Variants in RTN4RL1 observed in about 807,000 individuals in gnomAD.
RTN4RL1 encodes reticulon 4 receptor like 1.
Under a neutral mutation model 25.6 loss-of-function variants are expected in RTN4RL1, and 7 were observed. That is an observed-to-expected ratio of 0.27 (90% CI 0.16 to 0.51). The LOEUF is 0.51. RTN4RL1 is among the 20% of genes least tolerant of loss of function. RTN4RL1 has a pLI of 0.97. For synonymous variants in RTN4RL1, 297 were observed against 288.2 expected (o/e 1.03, Z -0.31); for missense variants, 500 against 615.6 (o/e 0.81, Z 1.99).
intron 1 of RTN4RL1, among the ~76,000 whole-genome samples, chr17:1,995,330 G>A (rs1406691878): frequency 6.6e-6 from 1 of 151,884 alleles, no homozygotes; most frequent in Non-Finnish European, 1.5e-5. Flanking sequence ...GGAAGCTGAG[G>A]CAGGAAAATC....
chr17:2,023,683 T>TCCCCCCCCCCCACCCC (rs1304412288), intron 1 of RTN4RL1: 1 of 31,580 alleles, frequency 3.2e-5, no homozygotes, highest in Non-Finnish European at 6.9e-5. Context: ...CTCCCCAACC[T>TCCCCCCCCCCCACCCC]CCCCCCCCTC....
At chr17:1,947,556 G>A (rs9892095) in intron 1 of RTN4RL1, among the ~76,000 whole-genome samples, 8,586 of 152,246 alleles carry the variant, frequency 0.056, 656 homozygotes, top group African/African-American at 0.18. Context: ...CGCCAGGATC[G>A]CTCTCAGCTG....
At chr17:1,989,004 G>T (rs1420399946) in intron 1 of RTN4RL1, among the ~76,000 whole-genome samples, 1 of 152,120 alleles carries the variant, frequency 6.6e-6, no homozygotes, top group Non-Finnish European at 1.5e-5. Flanking sequence ...AGCCACTAAA[G>T]GATTGTAAGC....
chr17:1,974,174 C>CA (rs902356997), intron 1 of RTN4RL1, among the ~76,000 whole-genome samples: 21 of 150,662 alleles, frequency 1.4e-4, no homozygotes, highest in Non-Finnish European at 2.4e-4. Flanking sequence ...TCCATCTTTA[C>CA]AAAAAAATAC....
chr17:2,002,677 CT>C (rs2066967611), intron 1 of RTN4RL1, among the ~76,000 whole-genome samples: 1 of 152,040 alleles, frequency 6.6e-6, no homozygotes, highest in African/African-American at 2.4e-5. Flanking sequence ...CTCTGTCTCC[CT>C]CTCTCTTCCT....
intron 1 of RTN4RL1, among the ~76,000 whole-genome samples, chr17:1,997,787 TGAGCCGGGGCTGGGAGGTCCCCGCC>T (rs2066936092): frequency 2.6e-5 from 4 of 152,216 alleles, no homozygotes; most frequent in African/African-American, 9.6e-5. Context: ...AGGTCAGGCC[TGAGCCGGGGCTGGGAGGTCCCCGCC>T]CCCTTCACAG....
intron 1 of RTN4RL1, among the ~76,000 whole-genome samples, chr17:2,012,411 G>A (rs1419067563): frequency 1.3e-5 from 2 of 152,214 alleles, no homozygotes; most frequent in Non-Finnish European, 2.9e-5. Context: ...CAGAGCCTCG[G>A]TATCCTCATC....
intron 1 of RTN4RL1, among the ~76,000 whole-genome samples, chr17:1,950,408 C>G (rs779139587): frequency 6.6e-6 from 1 of 152,064 alleles, no homozygotes; most frequent in Non-Finnish European, 1.5e-5. Flanking sequence ...AAAACCGGCT[C>G]AGGGCAGCCA....
intron 1 of RTN4RL1, among the ~76,000 whole-genome samples, chr17:1,992,358 CAA>C (rs1021180493): frequency 0.02 from 1,050 of 53,246 alleles, 20 homozygotes; most frequent in African/African-American, 0.068. Context: ...GACTCTGTCT[CAA>C]AAAAAAAAAA....
chr17:1,974,036 C>T (rs1314825630), intron 1 of RTN4RL1, among the ~76,000 whole-genome samples: 3 of 81,210 alleles, frequency 3.7e-5, no homozygotes, highest in African/African-American at 2.0e-4. Flanking sequence ...GAGACTCCGT[C>T]TCAGAAAAAA....
At chr17:1,940,560 G>A (rs766591757) in intron 1 of RTN4RL1, among the ~76,000 whole-genome samples, 1 of 152,170 alleles carries the variant, frequency 6.6e-6, no homozygotes, top group Non-Finnish European at 1.5e-5. Context: ...AGCCTGCAGG[G>A]GGAGGCAGGG....
At chr17:1,995,972 G>T (rs2066927862) in intron 1 of RTN4RL1, among the ~76,000 whole-genome samples, 1 of 152,190 alleles carries the variant, frequency 6.6e-6, no homozygotes, top group Admixed American at 6.5e-5. Flanking sequence ...TTAGGCGGGT[G>T]GCGATAACAC....
intron 1 of RTN4RL1, among the ~76,000 whole-genome samples, chr17:2,021,541 C>T (rs1353194772): frequency 2.7e-5 from 4 of 148,846 alleles, no homozygotes; most frequent in African/African-American, 7.4e-5. Context: ...TATTTAAACA[C>T]ATCCTATACC....
intron 1 of RTN4RL1, among the ~76,000 whole-genome samples, chr17:1,978,634 G>GC (rs756313655): frequency 8.8e-5 from 1 of 11,314 alleles, no homozygotes; most frequent in Admixed American, 1.5e-3. Context: ...TCCGGAAAAT[G>GC]GGGGGGGTGG....
chr17:2,014,141 G>A lies in RTN4RL1; in HGVS notation c.13+10712C>T, dbSNP rs545148930. On this transcript the variant is annotated intron_variant, in intron 1 of 1. Transcript: ENST00000331238. Reference sequence around the variant, plus strand: ...TTGGGAGGGACACCCAGTGCCCATGGGGACTCACCCTTGGCCAACCCAGCT... The same window carrying A: ...TTGGGAGGGACACCCAGTGCCCATGAGGACTCACCCTTGGCCAACCCAGCT... Among the ~76,000 whole-genome samples the A allele has an allele frequency of 2.6e-5, 4 of 152,318 alleles. No homozygotes were observed. In the South Asian group the frequency reaches 6.2e-4, roughly 24 times the overall value.
chr17:1,996,000 C>A lies in RTN4RL1; in HGVS notation c.13+28853G>T, dbSNP rs111315462. On this transcript the variant is annotated intron_variant, in intron 1 of 1. Coordinates refer to ENST00000331238, the MANE Select transcript of RTN4RL1 (RefSeq NM_178568.4). ...GATAACACTGGTGTAGGTTCCTTGG[C>A]GAGGTGAGGGCGTGCTGAGCCTGTG... is the stretch of plus-strand genomic sequence containing the variant. 9.8e-3 allele frequency among the ~76,000 whole-genome samples: 1,488 copies of A among 152,216 alleles called. 31 individuals are homozygous for A. The highest frequency in any genetic ancestry group is 0.034 in the African/African-American group (1,412 of 41,526).
intron 1 of RTN4RL1, among the ~76,000 whole-genome samples, chr17:1,983,258 C>G (rs1020222401): frequency 6.6e-6 from 1 of 152,146 alleles, no homozygotes; most frequent in Non-Finnish European, 1.5e-5. Context: ...GTTGTACAGT[C>G]TGATCTTGAA....
In RTN4RL1 at chr17:1,936,433, A is replaced by G; in HGVS notation, c.*63T>C. On this transcript the variant is annotated 3_prime_UTR_variant, in exon 2 of 2. Coordinates refer to ENST00000331238, the MANE Select transcript of RTN4RL1 (RefSeq NM_178568.4). ...CAGATCTTCCACTTGTTAAAAAAAG[A>G]AGAAAATAAATTCTGTTCCTTGGTG... The G allele has an allele frequency of 6.8e-7, 1 of 1,472,424 alleles. No individual in the cohort carries two copies. The highest frequency in any genetic ancestry group is 8.9e-7 in the Non-Finnish European group (1 of 1,118,696). The allele number at this position is 1,472,424 out of a possible 1,614,324, so 91.2% of individuals were successfully genotyped here.
chr17:2,001,896 G>C (rs2066959947), intron 1 of RTN4RL1, among the ~76,000 whole-genome samples: 1 of 151,818 alleles, frequency 6.6e-6, no homozygotes, highest in South Asian at 2.1e-4. Flanking sequence ...CCCGTCCCCG[G>C]CTCCCCTGAG....
Sources: gnomAD v4.1 joint callset for allele counts (sites outside exome capture counted in the v4.1 genomes callset) on GRCh38, gnomAD v4.1.1 for gene constraint, MANE v1.5 for transcripts, NCBI Gene and HGNC (gene_info 2026-07-23, HGNC 2026-07-21) for gene names.